PBRM1: variants seen among roughly 807,000 people sequenced by gnomAD.
PBRM1 encodes protein polybromo-1.
In PBRM1, 27 loss-of-function variants were observed where a neutral mutation model predicts 194.5. The ratio of observed to expected loss-of-function variants is 0.14; its 90% confidence interval spans 0.10 to 0.19. The LOEUF (loss-of-function observed/expected upper bound fraction) is 0.19, where lower values mean the gene tolerates loss of function less well. Among genes scored for constraint, PBRM1 ranks in the 10% least tolerant of loss-of-function variants. The pLI is 1.00. For synonymous variants in PBRM1, 655 were observed against 693.2 expected, an observed-to-expected ratio of 0.94 and a Z score of 0.87; for missense variants, 1,466 against 2,077.2, an observed-to-expected ratio of 0.71 and a Z score of 5.72.
chr3:52,589,525 T>TA (rs1248250594), intron 17 of PBRM1, among the ~76,000 whole-genome samples: 1 of 152,206 alleles, frequency 6.6e-6, no homozygotes, highest in African/African-American at 2.4e-5. Flanking sequence ...ACCTTACTAA[T>TA]ATATGATCAT....
intron 22 of PBRM1, among the ~76,000 whole-genome samples, chr3:52,567,882 C>G (rs543643022): frequency 2.0e-5 from 3 of 149,350 alleles, no homozygotes; most frequent in African/African-American, 7.4e-5. Context: ...CTTCTGACCT[C>G]AGATGATCCG....
intron 4 of PBRM1, among the ~76,000 whole-genome samples, chr3:52,661,217 G>C (rs889626493): frequency 6.6e-6 from 1 of 152,024 alleles, no homozygotes; most frequent in Non-Finnish European, 1.5e-5. Context: ...TAGAGACAGG[G>C]TTTTACCATG....
At chr3:52,598,659 G>A (rs927097822) in intron 17 of PBRM1, among the ~76,000 whole-genome samples, 4 of 152,114 alleles carry the variant, frequency 2.6e-5, no homozygotes, top group Non-Finnish European at 5.9e-5. Context: ...TCAGGAGGGG[G>A]GATCCCTTGA....
At position 52,641,464 on chromosome 3, in the gene PBRM1, GA is replaced by G. The variant is rs560822967; in HGVS notation, c.1087+489del. On this transcript the variant is annotated intron_variant, in intron 10 of 29. Transcript: ENST00000296302. ...TCCATCTCAAAAAAAAAAAAAAAAAGAAAAAAAAAAGAAAGAAAGAAAAGAA... is the reference window on the plus strand; with the variant it reads ...TCCATCTCAAAAAAAAAAAAAAAAAGAAAAAAAAAGAAAGAAAGAAAAGAA... 5.1e-3 allele frequency among the ~76,000 whole-genome samples: 539 copies of G among 104,850 alleles called. 4 individuals carry two copies. Among genetic ancestry groups the G allele is most frequent in the African/African-American group, 0.013 (417 of 31,070 alleles). 68.8% of individuals were successfully genotyped at this position (104,850 alleles called of 152,430 possible). A position where few individuals can be genotyped will look rare whatever the true frequency, so the allele number is the denominator to read the frequency against.
intron 5 of PBRM1, among the ~76,000 whole-genome samples, chr3:52,656,805 T>C (rs1275359757): frequency 6.6e-6 from 1 of 152,214 alleles, no homozygotes; most frequent in Non-Finnish European, 1.5e-5. Context: ...GGCACAAGCC[T>C]GTATACCCAG....
intron 22 of PBRM1, among the ~76,000 whole-genome samples, chr3:52,566,046 T>C (rs960834388): frequency 7.2e-6 from 1 of 137,954 alleles, no homozygotes; most frequent in African/African-American, 2.5e-5. Flanking sequence ...CGAGACTCTG[T>C]CTCAAAACAA....
intron 11 of PBRM1, among the ~76,000 whole-genome samples, chr3:52,629,372 C>A (rs535386249): frequency 1.3e-5 from 2 of 152,150 alleles, no homozygotes; most frequent in African/African-American, 2.4e-5. Flanking sequence ...ATAGTTCATA[C>A]GTGAACCTTA....
chr3:52,603,478 A>G (rs1255270637), intron 17 of PBRM1, 43 bp downstream of exon 19: 1 of 1,561,416 alleles, frequency 6.4e-7, no homozygotes, highest in Non-Finnish European at 8.7e-7. Flanking sequence ...CACCTAGAAG[A>G]CAGTGCATTT....
chr3:52,678,365 G>C, intron 2 of PBRM1, 135 bp downstream of exon 3: 1 of 587,816 alleles, frequency 1.7e-6, no homozygotes, highest in East Asian at 2.8e-5. Flanking sequence ...GATTACTAAA[G>C]ACTAAAGACT....
intron 13 of PBRM1, among the ~76,000 whole-genome samples, chr3:52,623,538 A>G (rs1222718045): frequency 6.6e-6 from 1 of 152,242 alleles, no homozygotes; most frequent in Non-Finnish European, 1.5e-5. Context: ...CCAGACAAGT[A>G]ACATCTGACT....
chr3:52,657,947 A>G lies in PBRM1; in HGVS notation c.645+252T>C, dbSNP rs1011514959. Among the ~76,000 whole-genome samples, 16 of 151,728 alleles carry G rather than the reference A, an allele frequency of 1.1e-4. 1 individual carries two copies. Among genetic ancestry groups the G allele is most frequent in the African/African-American group, 2.7e-4 (11 of 41,332 alleles). ...GCTGGGATTATAGGCATGCGCCACC[A>G]CACCCAGCTAATTTTTTGTATTTTT... On this transcript the variant is annotated intron_variant, in intron 5 of 29. Coordinates refer to ENST00000296302, the Ensembl canonical transcript of PBRM1.
chr3:52,578,236 G>A (rs1348178180), intron 21 of PBRM1, among the ~76,000 whole-genome samples: 2 of 152,052 alleles, frequency 1.3e-5, no homozygotes, highest in Middle Eastern at 3.2e-3. Flanking sequence ...TCTACGGCAC[G>A]TATCATGACC....
rs193220299 is a variant in PBRM1 at position 52,578,541 on chromosome 3, C to T, written c.3533+513G>A. ...CCTATACCAGACTCTGCTGTGTTTG[C>T]CATTCAACCATACTGTCATCCTTTT... On this transcript the variant is annotated intron_variant, in intron 21 of 29. Transcript: ENST00000296302. Among the ~76,000 whole-genome samples the T allele has an allele frequency of 1.2e-4, 19 of 152,328 alleles. No individual in the cohort carries two copies. In the East Asian group the frequency reaches 3.5e-3, roughly 28 times the overall value.
intron 17 of PBRM1, among the ~76,000 whole-genome samples, chr3:52,590,422 C>T (rs1320335200): frequency 6.6e-6 from 1 of 151,744 alleles, no homozygotes; most frequent in African/African-American, 2.4e-5. Context: ...GGCCACTGCA[C>T]TCCAGCCTGG....
At chr3:52,638,420 G>T (rs185618641) in intron 10 of PBRM1, among the ~76,000 whole-genome samples, 1 of 150,978 alleles carries the variant, frequency 6.6e-6, no homozygotes, top group African/African-American at 2.4e-5. Flanking sequence ...GTGCGATGGC[G>T]TGATCTCAGC....
At position 52,613,393 on chromosome 3, in the gene PBRM1, G is replaced by A. The variant is rs2094759595; in HGVS notation, c.1924+1958C>T. 3.3e-5 allele frequency among the ~76,000 whole-genome samples: 5 copies of A among 150,632 alleles called. No homozygotes were observed. In the South Asian group the frequency reaches 1.0e-3, roughly 32 times the overall value. On this transcript the variant is annotated intron_variant, in intron 15 of 29. Coordinates refer to ENST00000296302, the Ensembl canonical transcript of PBRM1. Reference sequence around the variant, plus strand: ...TCTGTTGCCCATGCTGGAGTGCAGTGGGCATGATCAGGGTTCACTGCAGCC... The same window carrying A: ...TCTGTTGCCCATGCTGGAGTGCAGTAGGCATGATCAGGGTTCACTGCAGCC...
rs374494053 is a variant in PBRM1, at chr3:52,617,191, A to G, written c.1818+71T>C. 3.2e-3 allele frequency: 4,025 copies of G among 1,271,988 alleles called. 123 individuals carry two copies. The South Asian group carries it at 0.055, about 17-fold the overall frequency. 78.8% of individuals were successfully genotyped at this position (1,271,988 alleles called of 1,614,324 possible). A position where few individuals can be genotyped will look rare whatever the true frequency, so the allele number is the denominator to read the frequency against. Reference sequence around the variant, plus strand: ...GTTAAGCCTCTAGAGCTGGTCTCTCAAAATGCATTATTCTATAAGTACCCC... The same window carrying G: ...GTTAAGCCTCTAGAGCTGGTCTCTCGAAATGCATTATTCTATAAGTACCCC... On this transcript the variant is annotated intron_variant, in intron 14 of 29. Transcript: ENST00000296302.
At chr3:52,611,348 T>A (rs1227209194) in intron 15 of PBRM1, among the ~76,000 whole-genome samples, 1 of 152,154 alleles carries the variant, frequency 6.6e-6, no homozygotes, top group African/African-American at 2.4e-5. Context: ...CAGAAAGCCA[T>A]AAATAGATTT....
chr3:52,630,216 GA>G (rs1310276444), intron 11 of PBRM1, among the ~76,000 whole-genome samples: 2 of 149,404 alleles, frequency 1.3e-5, no homozygotes, highest in Non-Finnish European at 3.0e-5. Flanking sequence ...GGAGGAAAAA[GA>G]AAAAAAAATA....
Sources: allele counts gnomAD v4.1 joint callset (sites outside exome capture counted in the v4.1 genomes callset), GRCh38; gene constraint gnomAD v4.1.1; transcripts MANE v1.5; gene names NCBI Gene and HGNC (gene_info 2026-07-23, HGNC 2026-07-21).